Variants in XPNPEP3 observed in about 807,000 individuals in gnomAD.
XPNPEP3 encodes X-prolyl aminopeptidase 3, also known as xaa-Pro aminopeptidase 3.
In XPNPEP3, 41 loss-of-function variants were observed where a neutral mutation model predicts 60.0. The ratio of observed to expected loss-of-function variants is 0.68; its 90% CI spans 0.53 to 0.89. XPNPEP3 has a LOEUF of 0.89. XPNPEP3 is among the 40% of genes least tolerant of loss of function. The pLI is 0.00. For synonymous variants in XPNPEP3, 212 were observed against 223.2 expected (o/e 0.95, Z 0.45); for missense variants, 598 against 638.9 (o/e 0.94, Z 0.69).
rs143160311 is a variant in XPNPEP3 at position 40,905,983 on chromosome 22, G to T, written c.793-1604G>T. 3.8e-3 allele frequency among the ~76,000 whole-genome samples: 575 copies of T among 152,094 alleles called. 2 individuals carry two copies. The highest frequency in any genetic ancestry group is 0.012 in the African/African-American group (513 of 41,498). ...ATTTTTTGTATTTTTAGTAGAGATG[G>T]GGTTTCCCTATGTTGGATAGACTGG... On this transcript the variant is annotated intron_variant, in intron 4 of 9. Transcript: ENST00000357137.
At position 40,927,163 on chromosome 22, in the gene XPNPEP3, A is replaced by G. The variant is rs2058237260; in HGVS notation, c.*728A>G. ...GGAAATGGAAGAGAAAGAAAATTATATATGTATATACTAAAGATCCAGACA... is the reference window on the plus strand; with the variant it reads ...GGAAATGGAAGAGAAAGAAAATTATGTATGTATATACTAAAGATCCAGACA... On this transcript the variant is annotated 3_prime_UTR_variant, in exon 10 of 10. Coordinates refer to ENST00000357137, the MANE Select transcript of XPNPEP3 (RefSeq NM_022098.4). 1 of 153,850 alleles carries G rather than the reference A, an allele frequency of 6.5e-6. No individual in the cohort carries two copies. Among genetic ancestry groups the G allele is most frequent in the Non-Finnish European group, 1.4e-5 (1 of 69,230 alleles). 9.5% of individuals were successfully genotyped at this position (153,850 alleles called of 1,614,324 possible). A position where few individuals can be genotyped will look rare whatever the true frequency, so the allele number is the denominator to read the frequency against.
At chr22:40,879,103 A>C (rs928783264) in intron 2 of XPNPEP3, among the ~76,000 whole-genome samples, 1 of 152,200 alleles carries the variant, frequency 6.6e-6, no homozygotes, top group Non-Finnish European at 1.5e-5. Flanking sequence ...ATAATTATCA[A>C]GGAAATAAAT....
intron 5 of XPNPEP3, among the ~76,000 whole-genome samples, chr22:40,907,910 G>A (rs1180957574): frequency 6.6e-6 from 1 of 152,104 alleles, no homozygotes; most frequent in Non-Finnish European, 1.5e-5. Context: ...TACTGTTTAG[G>A]TCAATGTGAA....
rs2058241546 is a variant in XPNPEP3, at chr22:40,928,089, C to G, written c.*1654C>G. On this transcript the variant is annotated 3_prime_UTR_variant, in exon 10 of 10. Transcript: ENST00000357137. ...CCCTGTTATCATTCTGTGATTTCCT[C>G]TAGTGCTAATAGAAACAAAATATGG... 1 of 151,810 alleles carries G rather than the reference C, an allele frequency of 6.6e-6. No homozygotes were observed. The highest frequency in any genetic ancestry group is 2.1e-4 in the South Asian group (1 of 4,814). The allele number at this position is 151,810 out of a possible 1,614,324, so 9.4% of individuals were successfully genotyped here.
intron 7 of XPNPEP3, among the ~76,000 whole-genome samples, chr22:40,915,385 A>G (rs1256345041): frequency 2.6e-5 from 4 of 151,876 alleles, no homozygotes; most frequent in African/African-American, 9.7e-5. Context: ...GACCAGCCTG[A>G]CCAAAATGGT....
intron 4 of XPNPEP3, among the ~76,000 whole-genome samples, chr22:40,893,053 T>C (rs948884598): frequency 1.3e-5 from 2 of 149,664 alleles, no homozygotes; most frequent in African/African-American, 4.9e-5. Flanking sequence ...TTTTCAAATT[T>C]AACTGGCTAA....
chr22:40,909,148 C>G lies in XPNPEP3; in HGVS notation c.882C>G (p.Gly294=). The change falls in exon 6 of 10, where the codon GGC becomes GGG. Residue 294 remains glycine (G), a synonymous_variant. Transcript: ENST00000357137. The stretch of plus-strand genomic sequence containing the variant: ...TTGAATTTGAATGCCGGGCTCGTGG[C>G]GCAGACATTTTAGCCTATCCACCTG... ...AKFEFECRAR[G]ADILAYPPVV... 1.2e-6 allele frequency: 2 copies of G among 1,614,150 alleles called. No homozygotes were observed. Among genetic ancestry groups the G allele is most frequent in the South Asian group, 2.2e-5 (2 of 91,078 alleles).
At chr22:40,887,669 G>A (rs551678201) in intron 4 of XPNPEP3, among the ~76,000 whole-genome samples, 17 of 152,004 alleles carry the variant, frequency 1.1e-4, no homozygotes, top group African/African-American at 1.7e-4. Context: ...TTAATTCTGC[G>A]GGAAACACAA....
chr22:40,932,283 G>C lies in XPNPEP3; in HGVS notation c.*5848G>C, dbSNP rs759264208. 2.6e-5 allele frequency: 4 copies of C among 151,992 alleles called. No individual in the cohort carries two copies. Among genetic ancestry groups the C allele is most frequent in the Non-Finnish European group, 5.9e-5 (4 of 68,030 alleles). 9.4% of individuals were successfully genotyped at this position (151,992 alleles called of 1,614,324 possible). ...ATTAGAAAATTAGGCAGGCACCACA[G>C]ACAGTAGCAACATAAAGGAACCTGC... On this transcript the variant is annotated 3_prime_UTR_variant, in exon 10 of 10. Transcript: ENST00000357137.
intron 4 of XPNPEP3, among the ~76,000 whole-genome samples, chr22:40,896,877 A>G (rs538625205): frequency 3.3e-5 from 5 of 152,240 alleles, no homozygotes; most frequent in African/African-American, 4.8e-5. Flanking sequence ...ATTACTTCAT[A>G]TAAGTAGAAT....
chr22:40,857,204 C>T lies in XPNPEP3; in HGVS notation c.23C>T (p.Pro8Leu), dbSNP rs775992370. The change falls in exon 1 of 10, where the codon CCC (proline) becomes CTC (leucine). Residue 8 changes from proline to leucine, a missense_variant. By Grantham distance (98) the Pro-to-Leu change is moderately conservative. Transcript: ENST00000357137. MPWLLSAPKLVPAVANVR... is the reference protein window; with the variant it reads MPWLLSALKLVPAVANVR... The stretch of plus-strand genomic sequence containing the variant: ...GTAATGCCTTGGCTGCTCTCAGCCC[C>T]CAAGCTGGTTCCCGCTGTAGCAAAC... 9.3e-6 allele frequency: 15 copies of T among 1,614,226 alleles called. No homozygotes were observed. Among genetic ancestry groups the T allele is most frequent in the Non-Finnish European group, 1.3e-5 (15 of 1,180,042 alleles).
intron 1 of XPNPEP3, chr22:40,861,110 CT>C (rs768619916): frequency 5.0e-6 from 8 of 1,610,518 alleles, no homozygotes; most frequent in Admixed American, 1.7e-5. Context: ...CTTTACGCTT[CT>C]TTTTTTTCCT....
At chr22:40,877,791 T>C (rs1039224200) in intron 2 of XPNPEP3, among the ~76,000 whole-genome samples, 2 of 152,198 alleles carry the variant, frequency 1.3e-5, no homozygotes, top group South Asian at 2.1e-4. Context: ...AGATTGACTA[T>C]AAAGTTGAGT....
chr22:40,919,172 C>T (rs1321521018), intron 7 of XPNPEP3, among the ~76,000 whole-genome samples: 1 of 152,106 alleles, frequency 6.6e-6, no homozygotes, highest in African/African-American at 2.4e-5. Context: ...ACAGGAAATT[C>T]ACCAGGTAGA....
chr22:40,914,250 G>C lies in XPNPEP3; in HGVS notation c.981G>C (p.Met327Ile). ...TTACTTTGTTCCAGGATGGGGAAAT[G>C]GTGCTTCTGGATGGAGGTTGTGAGT... ...KNNQLIKDGE[M>I]VLLDGGCESS... The change falls in exon 7 of 10, where the codon ATG becomes ATC. Residue 327 changes from methionine to isoleucine, a missense_variant. Physicochemically the swap from Met to Ile is conservative, Grantham distance 10. Coordinates refer to ENST00000357137, the MANE Select transcript of XPNPEP3 (RefSeq NM_022098.4). 6.2e-7 allele frequency: 1 copy of C among 1,613,892 alleles called. No individual in the cohort carries two copies. Among genetic ancestry groups the C allele is most frequent in the Non-Finnish European group, 8.5e-7 (1 of 1,179,908 alleles).
At chr22:40,899,817 CAAAAAAAAA>C (rs1336628860) in intron 4 of XPNPEP3, among the ~76,000 whole-genome samples, 1 of 54,232 alleles carries the variant, frequency 1.8e-5, no homozygotes, top group Non-Finnish European at 3.9e-5. Context: ...GACTCTATCT[CAAAAAAAAA>C]AAAAAAAAAA....
rs755388133 is a variant in XPNPEP3, at chr22:40,869,081, C to T, written c.147C>T (p.Pro49=). 7 of 1,614,042 alleles carry T rather than the reference C, an allele frequency of 4.3e-6. No homozygotes were observed. The highest frequency in any genetic ancestry group is 5.9e-6 in the Non-Finnish European group (7 of 1,179,936). The part of the protein sequence containing the change: ...RRIPNRYLGQ[P]SPFTHPHLLR... Reference sequence around the variant, plus strand: ...TTCCAAACCGATACTTAGGCCAGCCCAGCCCCTTTACACACCCACACCTCC... The same window carrying T: ...TTCCAAACCGATACTTAGGCCAGCCTAGCCCCTTTACACACCCACACCTCC... Residue 49 remains proline (P), a synonymous_variant, in exon 2 of 10, where the codon CCC becomes CCT. Coordinates refer to ENST00000357137, the MANE Select transcript of XPNPEP3 (RefSeq NM_022098.4).
At chr22:40,925,491 A>T (rs2058231565) in intron 9 of XPNPEP3, among the ~76,000 whole-genome samples, 1 of 152,172 alleles carries the variant, frequency 6.6e-6, no homozygotes, top group Admixed American at 6.5e-5. Flanking sequence ...CCATAGATAT[A>T]TCATTTAGTT....
intron 2 of XPNPEP3, among the ~76,000 whole-genome samples, chr22:40,878,495 C>T (rs145854242): frequency 8.6e-5 from 13 of 151,890 alleles, no homozygotes; most frequent in South Asian, 2.1e-4. Flanking sequence ...TTAATGTATA[C>T]TGTTACTAAT....
Sources: allele counts gnomAD v4.1 joint callset (sites outside exome capture counted in the v4.1 genomes callset), GRCh38; gene constraint gnomAD v4.1.1; transcripts MANE v1.5; gene names NCBI Gene and HGNC (gene_info 2026-07-23, HGNC 2026-07-21).